ABCD3: variants seen among roughly 807,000 people sequenced by gnomAD.
The protein encoded by ABCD3 is ATP-binding cassette sub-family D member 3.
Under a neutral mutation model 105.5 loss-of-function variants are expected in ABCD3, and 41 were observed. The observed-to-expected ratio is 0.39, with a 90% CI of 0.30 to 0.50. The LOEUF (loss-of-function observed/expected upper bound fraction) is 0.50, where lower values mean the gene tolerates loss of function less well. Ranked by LOEUF, ABCD3 falls within the 20% of genes least tolerant of loss-of-function variation. ABCD3 has a pLI of 0.84. For synonymous variants in ABCD3, 258 were observed against 269.0 expected, an observed-to-expected ratio of 0.96 and a Z score of 0.40; for missense variants, 622 against 806.3, an observed-to-expected ratio of 0.77 and a Z score of 2.77.
the ABCD3 span, among the ~76,000 whole-genome samples, chr1:94,394,689 T>A: frequency 6.6e-6 from 1 of 152,184 alleles, no homozygotes; most frequent in Non-Finnish European, 1.5e-5. Context: ...GCCCACCTCT[T>A]TTGCTGGAAT....
chr1:94,511,864 T>C (rs1416078028), intron 21 of ABCD3, among the ~76,000 whole-genome samples: 3 of 152,116 alleles, frequency 2.0e-5, no homozygotes, highest in Non-Finnish European at 4.4e-5. Context: ...AGCACTTCCC[T>C]GTATTGGTTA....
rs527447004 is a variant in ABCD3 at position 94,455,088 on chromosome 1, TTGC to T, written c.111-3517_111-3515del. On this transcript the variant is annotated intron_variant, in intron 1 of 22. Transcript: ENST00000370214. ...TAGTGCCAGTATTGTGTTTAAATGG[TTGC>T]TAAGTGATCATCTAGAGCCCACATG... Among the ~76,000 whole-genome samples, 1,160 of 152,358 alleles carry T rather than the reference TTGC, an allele frequency of 7.6e-3. 7 individuals carry two copies. The highest frequency in any genetic ancestry group is 0.014 in the Middle Eastern group (4 of 294).
chr1:94,506,820 G>A (rs1650377791), intron 21 of ABCD3, among the ~76,000 whole-genome samples, 178 bp downstream of exon 21: 1 of 151,516 alleles, frequency 6.6e-6, no homozygotes, highest in African/African-American at 2.4e-5. Flanking sequence ...TATAAATACA[G>A]TTCTGTATAT....
At chr1:94,470,909 C>T (rs1378258289) in intron 4 of ABCD3, among the ~76,000 whole-genome samples, 2 of 151,922 alleles carry the variant, frequency 1.3e-5, no homozygotes, top group African/African-American at 4.8e-5. Context: ...ATTTTTTCAC[C>T]TCTGAAGCTA....
the ABCD3 span, among the ~76,000 whole-genome samples, chr1:94,399,525 C>G: frequency 6.6e-6 from 1 of 152,190 alleles, no homozygotes; most frequent in African/African-American, 2.4e-5. Flanking sequence ...TTATTTCACA[C>G]ATGAGAAAGT....
the ABCD3 span, among the ~76,000 whole-genome samples, chr1:94,399,474 A>T: frequency 6.6e-6 from 1 of 152,212 alleles, no homozygotes; most frequent in Non-Finnish European, 1.5e-5. Context: ...GTAGCCAATG[A>T]TTCCAATACC....
the ABCD3 span, among the ~76,000 whole-genome samples, chr1:94,412,867 C>A: frequency 1.3e-5 from 2 of 152,020 alleles, no homozygotes; most frequent in Non-Finnish European, 2.9e-5. Context: ...TGTTTAAGAG[C>A]CATTTTAATT....
intron 21 of ABCD3, chr1:94,513,717 T>C (rs1282675304): frequency 6.6e-6 from 1 of 152,078 alleles, no homozygotes; most frequent in Non-Finnish European, 1.5e-5. Context: ...TTTTGACTTA[T>C]ATACTTCATA....
chr1:94,492,708 C>T (rs1649592529), intron 16 of ABCD3, among the ~76,000 whole-genome samples: 3 of 150,524 alleles, frequency 2.0e-5, no homozygotes, highest in Admixed American at 6.6e-5. Context: ...AAGAATGCCT[C>T]TTGTCCCTTT....
intron 1 of ABCD3, among the ~76,000 whole-genome samples, chr1:94,446,219 C>T (rs572853407): frequency 1.2e-4 from 19 of 152,328 alleles, no homozygotes; most frequent in African/African-American, 4.1e-4. Context: ...GGAGCATTTC[C>T]GGCTCAGGCC....
At chr1:94,418,948 C>T (rs555176090) in intron 1 of ABCD3, 2 of 332,008 alleles carry the variant, frequency 6.0e-6, no homozygotes, top group African/African-American at 4.5e-5. Flanking sequence ...TGTCAACTTT[C>T]TGGGTGTGTT....
chr1:94,417,517 A>T (rs1659069826), upstream of ABCD3, among the ~76,000 whole-genome samples: 2 of 152,216 alleles, frequency 1.3e-5, no homozygotes. Flanking sequence ...ACAGGAGAAG[A>T]ATGTTGTAAT....
intron 13 of ABCD3, among the ~76,000 whole-genome samples, chr1:94,488,968 T>C (rs988359238): frequency 1.3e-5 from 2 of 152,028 alleles, no homozygotes; most frequent in African/African-American, 2.4e-5. Flanking sequence ...ATATTTAGTG[T>C]ATACAATTTG....
chr1:94,454,463 T>A (rs1287869349), intron 1 of ABCD3, among the ~76,000 whole-genome samples: 1 of 152,112 alleles, frequency 6.6e-6, no homozygotes, highest in Non-Finnish European at 1.5e-5. Context: ...GATACCTTAT[T>A]AAAAATCAGA....
chr1:94,400,437 T>A, the ABCD3 span, among the ~76,000 whole-genome samples: 1 of 151,436 alleles, frequency 6.6e-6, no homozygotes, highest in Non-Finnish European at 1.5e-5. Context: ...AGGAAAGTCA[T>A]TGATAAAATA....
At chr1:94,473,479 G>C (rs531167769) in intron 4 of ABCD3, among the ~76,000 whole-genome samples, 2 of 151,956 alleles carry the variant, frequency 1.3e-5, no homozygotes, top group East Asian at 3.9e-4. Flanking sequence ...AGTTTCTTTT[G>C]TAGCCACTTA....
At chr1:94,500,580 C>G (rs980911695) in intron 20 of ABCD3, among the ~76,000 whole-genome samples, 3 of 152,094 alleles carry the variant, frequency 2.0e-5, no homozygotes, top group Non-Finnish European at 4.4e-5. Context: ...TCTCCTCTCC[C>G]CCTGCAGAGT....
chr1:94,468,409 A>G (rs1648266911), intron 4 of ABCD3, among the ~76,000 whole-genome samples: 1 of 152,242 alleles, frequency 6.6e-6, no homozygotes, highest in Non-Finnish European at 1.5e-5. Flanking sequence ...CACGTTGAGC[A>G]TGTTTATTAG....
rs786200917 is a variant in ABCD3 at position 94,515,203 on chromosome 1, G to T, written c.1902+1G>T. The T allele has an allele frequency of 1.9e-6, 3 of 1,606,082 alleles. No individual in the cohort carries two copies. Among genetic ancestry groups the T allele is most frequent in the Non-Finnish European group, 2.6e-6 (3 of 1,173,992 alleles). On this transcript the variant is annotated splice_donor_variant, in intron 22 of 22. Transcript: ENST00000370214. LOFTEE classifies it high-confidence loss of function. ...GAAATCTCTTTGGAAACATCATGAG[G>T]TTTGTATTTCTTTCATTGAATGGTA...
Sources: allele counts gnomAD v4.1 joint callset (sites outside exome capture counted in the v4.1 genomes callset), GRCh38; gene constraint gnomAD v4.1.1; transcripts MANE v1.5; gene names NCBI Gene and HGNC (gene_info 2026-07-23, HGNC 2026-07-21).